Variants in PRB4 observed in about 807,000 individuals in gnomAD.
PRB4 encodes basic salivary proline-rich protein 4.
Under a neutral mutation model 9.1 loss-of-function variants are expected in PRB4, and 14 were observed. The ratio of observed to expected loss-of-function variants is 1.54; its 90% CI spans 1.02 to 2.41. The LOEUF is 2.41. Among genes scored for constraint, PRB4 ranks in the 30% most tolerant of loss-of-function variants. The pLI is 0.00. For missense variants in PRB4, 381 were observed against 299.3 expected (o/e 1.27, Z -2.02); for synonymous variants, 102 against 108.5 (o/e 0.94, Z 0.37).
chr12:11,309,027 G>A, intron 2 of PRB4, 145 bp from the exon 3 acceptor site: 1 of 1,232,032 alleles, frequency 8.1e-7, no homozygotes, highest in Non-Finnish European at 1.1e-6. Context: ...ACTCTGGAGT[G>A]GAACGCTGGG....
At position 11,308,797 on chromosome 12, in the gene PRB4, T is replaced by A. The variant is rs1210578558; in HGVS notation, c.186A>T (p.Pro62=). Residue 62 remains proline, a synonymous_variant, in exon 3 of 4, where the codon CCA becomes CCT. Coordinates refer to ENST00000279575, the MANE Select transcript of PRB4 (RefSeq NM_002723.6). ...GACCTTGGGACTGGTTTCCTCCTTG[T>A]GGGGGTGGTCCTTGTGGCTTTCCTG... ...PPPGKPQGPP[P]QGGNQSQGPP... is the part of the protein sequence containing the mutation. The A allele has an allele frequency of 4.4e-6, 7 of 1,591,072 alleles. No homozygotes were observed. The highest frequency in any genetic ancestry group is 1.1e-5 in the South Asian group (1 of 89,702).
intron 1 of PRB4, among the ~76,000 whole-genome samples, chr12:11,309,666 AT>A (rs1311439578): frequency 6.6e-6 from 1 of 152,120 alleles, no homozygotes; most frequent in East Asian, 1.9e-4. Context: ...CTTAATGCTT[AT>A]TTAGTTTATG....
intron 1 of PRB4, among the ~76,000 whole-genome samples, 166 bp downstream of exon 1, chr12:11,310,169 A>AT (rs1241477191): frequency 2.0e-5 from 3 of 152,222 alleles, no homozygotes; most frequent in Non-Finnish European, 4.4e-5. Context: ...CATTAAATAA[A>AT]TTAGAAGTCC....
chr12:11,307,410 T>G (rs1298145709), intron 3 of PRB4, among the ~76,000 whole-genome samples: 2 of 152,178 alleles, frequency 1.3e-5, no homozygotes, highest in African/African-American at 4.8e-5. Context: ...ACCCTCAGTG[T>G]CCAGTGACAG....
rs1863026292 is a variant in PRB4, at chr12:11,310,366, C to T, written c.33G>A (p.Leu11=). The T allele has an allele frequency of 6.2e-7, 1 of 1,614,250 alleles. No individual in the cohort carries two copies. The highest frequency in any genetic ancestry group is 2.2e-5 in the East Asian group (1 of 44,890). The change falls in exon 1 of 4, where the codon CTG becomes CTA. Residue 11 remains leucine (L), a synonymous_variant. Coordinates refer to ENST00000279575, the MANE Select transcript of PRB4 (RefSeq NM_002723.6). ...TTGAACTCTCAGCTGAGCTCAGGGC[C>T]AGCAGGGCCACTGACAGCAGAATCA... is the stretch of plus-strand genomic sequence containing the variant. The part of the protein sequence containing the change: MLLILLSVAL[L]ALSSAESSSE...
chr12:11,308,767 T>C lies in PRB4; in HGVS notation c.216A>G (p.Pro72=), dbSNP rs1565780130. ...PQGGNQSQGP[P]PPPGKPEGRP... is the part of the protein sequence containing the mutation. ...GTCCTTCTGGCTTTCCTGGAGGAGG[T>C]GGGGGACCTTGGGACTGGTTTCCTC... Residue 72 remains proline (P), a synonymous_variant, in exon 3 of 4, where the codon CCA becomes CCG. Transcript: ENST00000279575. The C allele has an allele frequency of 3.1e-6, 5 of 1,605,322 alleles. No individual in the cohort carries two copies. The East Asian group carries it at 1.1e-4, about 36-fold the overall frequency.
chr12:11,308,797 T>G lies in PRB4; in HGVS notation c.186A>C (p.Pro62=). 2 of 1,591,072 alleles carry G rather than the reference T, an allele frequency of 1.3e-6. No homozygotes were observed. Among genetic ancestry groups the G allele is most frequent in the Non-Finnish European group, 8.6e-7 (1 of 1,167,238 alleles). ...PPPGKPQGPP[P]QGGNQSQGPP... ...GACCTTGGGACTGGTTTCCTCCTTG[T>G]GGGGGTGGTCCTTGTGGCTTTCCTG... The change falls in exon 3 of 4, where the codon CCA becomes CCC. Residue 62 remains proline (P), a synonymous_variant. Transcript: ENST00000279575.
intron 3 of PRB4, 44 bp downstream of exon 3, chr12:11,308,177 C>A (rs936834887): frequency 6.4e-7 from 1 of 1,564,568 alleles, no homozygotes; most frequent in African/African-American, 1.4e-5. Context: ...AGTTGGAGAA[C>A]TGTAGCAATT....
chr12:11,307,961 G>A (rs2136606573), intron 3 of PRB4, among the ~76,000 whole-genome samples: 1 of 152,286 alleles, frequency 6.6e-6, no homozygotes, highest in Middle Eastern at 3.4e-3. Context: ...CGCCAAGAAT[G>A]AACATGGTAC....
At chr12:11,309,465 G>A (rs1271916055) in intron 1 of PRB4, 60 bp from the exon 2 acceptor site, 1 of 1,613,702 alleles carries the variant, frequency 6.2e-7, no homozygotes, top group Non-Finnish European at 8.5e-7. Context: ...AGACTCACAA[G>A]TGTTCTACAG....
rs752260746 is a variant in PRB4, at chr12:11,308,378, T to G, written c.605A>C (p.Lys202Thr). 1 of 1,602,510 alleles carries G rather than the reference T, an allele frequency of 6.2e-7. No individual in the cohort carries two copies. Among genetic ancestry groups the G allele is most frequent in the Non-Finnish European group, 8.5e-7 (1 of 1,170,702 alleles). Reference sequence around the variant, plus strand: ...TCCTGCTGGGGGTGGGCCTTGTGGCTTTCCAGGAGGTGGGGGACCTTGAGG... The same window carrying G: ...TCCTGCTGGGGGTGGGCCTTGTGGCGTTCCAGGAGGTGGGGGACCTTGAGG... ...NKPQGPPPPG[K>T]PQGPPPAGGN... is the part of the protein sequence containing the mutation. Residue 202 changes from lysine to threonine, a missense_variant, in exon 3 of 4, where the codon AAG (lysine) becomes ACG (threonine). By Grantham distance (78) the Lys-to-Thr change is moderately conservative. Transcript: ENST00000279575.
Position 11,308,392 on chromosome 12 carries a change from G to A in PRB4, c.591C>T (p.Pro197=). 2 of 1,603,956 alleles carry A rather than the reference G, an allele frequency of 1.2e-6. No individual in the cohort carries two copies. The highest frequency in any genetic ancestry group is 1.3e-5 in the African/African-American group (1 of 74,768). ...PQQEGNKPQG[P]PPPGKPQGPP... Reference sequence around the variant, plus strand: ...GGCCTTGTGGCTTTCCAGGAGGTGGGGGACCTTGAGGCTTGTTGCCTTCTT... The same window carrying A: ...GGCCTTGTGGCTTTCCAGGAGGTGGAGGACCTTGAGGCTTGTTGCCTTCTT... The change falls in exon 3 of 4, where the codon CCC becomes CCT. Residue 197 remains proline, a synonymous_variant. Transcript: ENST00000279575.
chr12:11,309,337 G>A lies in PRB4; in HGVS notation c.100+33C>T, dbSNP rs114101153. ...ATCCATTTGTAAGCAGAAAAAGGGA[G>A]TCAAAACAGATTGAGAATGAATTGG... On this transcript the variant is annotated intron_variant, in intron 2 of 3. Transcript: ENST00000279575. The A allele has an allele frequency of 4.2e-4, 679 of 1,614,048 alleles. 3 individuals are homozygous for A. In the African/African-American group the frequency reaches 7.8e-3, roughly 19 times the overall value.
chr12:11,310,335 C>T lies in PRB4; in HGVS notation c.64G>A (p.Asp22Asn). ...GCATCTTTTCCCCCTTCTGTTTTAC[C>T]TTCACTTGAACTCTCAGCTGAGCTC... ...ALSSAESSSE[D>N]VSQEESLFLI... The change falls in exon 1 of 4, where the codon GAT becomes AAT. Residue 22 changes from aspartate (D) to asparagine (N), a missense_variant and splice_region_variant. Asp to Asn is a conservative substitution (Grantham distance 23). This residue lies in a region of PRB4 where 151 missense variants were observed against 105.8 expected (regional missense o/e 1.43). Coordinates refer to ENST00000279575, the MANE Select transcript of PRB4 (RefSeq NM_002723.6). 1 of 1,614,198 alleles carries T rather than the reference C, an allele frequency of 6.2e-7. No homozygotes were observed. The highest frequency in any genetic ancestry group is 1.6e-4 in the Middle Eastern group (1 of 6,062).
In PRB4 at chr12:11,308,258, C is replaced by T. The variant is rs1299743307; in HGVS notation, c.725G>A (p.Gly242Glu). Residue 242 changes from glycine to glutamate, a missense_variant, in exon 3 of 4, where the codon GGA becomes GAA. Coordinates refer to ENST00000279575, the MANE Select transcript of PRB4 (RefSeq NM_002723.6). ...CCTAGATTACTGGGGAGGCTGTTGT[C>T]CCTGGGCAGGTCTGGGTGGCCTGCC... ...QGGRPPRPAQ[G>E]QQPPQ 6.2e-7 allele frequency: 1 copy of T among 1,610,600 alleles called. No individual in the cohort carries two copies. The highest frequency in any genetic ancestry group is 8.5e-7 in the Non-Finnish European group (1 of 1,178,594).
Position 11,309,352 on chromosome 12 carries a change from G to A in PRB4, c.100+18C>T. ...GAAAAAGGGAGTCAAAACAGATTGA[G>A]AATGAATTGGGATTTACCTGATATT... is the stretch of plus-strand genomic sequence containing the variant. On this transcript the variant is annotated intron_variant, in intron 2 of 3. Transcript: ENST00000279575. 6.2e-7 allele frequency: 1 copy of A among 1,614,140 alleles called. No homozygotes were observed. The highest frequency in any genetic ancestry group is 8.5e-7 in the Non-Finnish European group (1 of 1,179,970).
At chr12:11,307,702 G>T (rs1286583867) in intron 3 of PRB4, among the ~76,000 whole-genome samples, 1 of 152,142 alleles carries the variant, frequency 6.6e-6, no homozygotes, top group Non-Finnish European at 1.5e-5. Context: ...AGGTGGGTAG[G>T]ATGTGTTATG....
intron 3 of PRB4, among the ~76,000 whole-genome samples, chr12:11,307,812 C>T (rs1862947251): frequency 6.6e-6 from 1 of 152,126 alleles, no homozygotes; most frequent in South Asian, 2.1e-4. Context: ...AGTGACACGC[C>T]ATTTAGCTGC....
In PRB4 at chr12:11,310,350, CAGCTG is replaced by C. The variant is rs758972944; in HGVS notation, c.44_48del (p.Ser15Ter). On this transcript the variant is annotated frameshift_variant, in exon 1 of 4. Coordinates refer to ENST00000279575, the MANE Select transcript of PRB4 (RefSeq NM_002723.6). LOFTEE classifies it high-confidence loss of function. Reference sequence around the variant, plus strand: ...TCTGTTTTACCTTCACTTGAACTCTCAGCTGAGCTCAGGGCCAGCAGGGCCACTGA... The same window carrying C: ...TCTGTTTTACCTTCACTTGAACTCTCAGCTCAGGGCCAGCAGGGCCACTGA... 6.2e-7 allele frequency: 1 copy of C among 1,614,236 alleles called. No individual in the cohort carries two copies. The highest frequency in any genetic ancestry group is 1.1e-5 in the South Asian group (1 of 91,086).
Sources: allele counts gnomAD v4.1 joint callset (sites outside exome capture counted in the v4.1 genomes callset), GRCh38; gene constraint gnomAD v4.1.1; regional missense constraint gnomAD v4.1.1; transcripts MANE v1.5; gene names NCBI Gene and HGNC (gene_info 2026-07-23, HGNC 2026-07-21).